The following HEG1 variants were observed in gnomAD, a reference collection of about 807,000 sequenced individuals.
HEG1 encodes protein HEG homolog 1.
HEG1 carries 56 observed loss-of-function variants against 125.6 expected under a neutral mutation model. The observed-to-expected ratio is 0.45, with a 90% CI of 0.36 to 0.56. The LOEUF (loss-of-function observed/expected upper bound fraction) is 0.56. Ranked by LOEUF, HEG1 falls within the 20% of genes least tolerant of loss-of-function variation. The pLI is 0.00. For missense variants in HEG1, 1,523 were observed against 1,670.0 expected, an observed-to-expected ratio of 0.91 and a Z score of 1.53; for synonymous variants, 644 against 668.5, an observed-to-expected ratio of 0.96 and a Z score of 0.57.
rs147058155 is a variant in HEG1, at chr3:125,009,742, C to A, written c.3156G>T (p.Pro1052=). 1 of 1,613,456 alleles carries A rather than the reference C, an allele frequency of 6.2e-7. No individual in the cohort carries two copies. Among genetic ancestry groups the A allele is most frequent in the Non-Finnish European group, 8.5e-7 (1 of 1,179,536 alleles). ...NTQGSFICKC[P]VGYQLEKGIC... Reference sequence around the variant, plus strand: ...TCCCTTTTTCCAACTGGTACCCAACCGGGCATTTGCAGATAAAGGATCCCT... The same window carrying A: ...TCCCTTTTTCCAACTGGTACCCAACAGGGCATTTGCAGATAAAGGATCCCT... The change falls in exon 8 of 17, where the codon CCG becomes CCT. Residue 1052 remains proline (P), a synonymous_variant. Coordinates refer to ENST00000311127, the MANE Select transcript of HEG1 (RefSeq NM_020733.2).
At chr3:125,002,792 G>A (rs191937312) in intron 9 of HEG1, among the ~76,000 whole-genome samples, 137 of 152,308 alleles carry the variant, frequency 9.0e-4, no homozygotes, top group African/African-American at 3.1e-3. Context: ...AAGGCTCTCC[G>A]TGAGAAATTA....
intron 11 of HEG1, among the ~76,000 whole-genome samples, chr3:125,000,565 C>G (rs577330640): frequency 6.6e-6 from 1 of 151,952 alleles, no homozygotes; most frequent in Non-Finnish European, 1.5e-5. Context: ...CTCACTCCCC[C>G]ATCAATAGTA....
chr3:124,973,784 G>T lies in HEG1; in HGVS notation c.3943C>A (p.His1315Asn). Reference protein sequence around the residue: ...QEWGREAIEMHENGSTKNLLQ... With the variant: ...QEWGREAIEMNENGSTKNLLQ... ...AGGTTTTTGGTACTTCCATTCTCAT[G>T]CATTTCAATAGCTTCTCGGCCCCAT... Residue 1315 changes from histidine to asparagine, a missense_variant, in exon 16 of 17, where the codon CAT (histidine) becomes AAT (asparagine). Physicochemically the swap from His to Asn is moderately conservative, Grantham distance 68. Transcript: ENST00000311127. 1.2e-6 allele frequency: 2 copies of T among 1,613,912 alleles called. No individual in the cohort carries two copies. Among genetic ancestry groups the T allele is most frequent in the Non-Finnish European group, 8.5e-7 (1 of 1,179,800 alleles).
chr3:125,030,556 A>G (rs1937484352), intron 1 of HEG1, among the ~76,000 whole-genome samples: 1 of 152,258 alleles, frequency 6.6e-6, no homozygotes, highest in African/African-American at 2.4e-5. Flanking sequence ...GATATTCTTC[A>G]GGGATTGTTG....
At position 124,978,435 on chromosome 3, in the gene HEG1, C is replaced by T. The variant is rs537713843; in HGVS notation, c.3734-489G>A. On this transcript the variant is annotated intron_variant, in intron 14 of 16. Coordinates refer to ENST00000311127, the MANE Select transcript of HEG1 (RefSeq NM_020733.2). Reference sequence around the variant, plus strand: ...GTTCTGGGATTACAGGCGTGAGCCACCGCGCCCGGCCGAAAAGCTCCCTTT... The same window carrying T: ...GTTCTGGGATTACAGGCGTGAGCCATCGCGCCCGGCCGAAAAGCTCCCTTT... 8.6e-4 allele frequency among the ~76,000 whole-genome samples: 131 copies of T among 152,328 alleles called. 1 individual carries two copies. Among genetic ancestry groups the T allele is most frequent in the South Asian group, 6.2e-3 (30 of 4,830 alleles).
intron 12 of HEG1, among the ~76,000 whole-genome samples, chr3:124,992,495 T>A (rs1936850826): frequency 6.6e-6 from 1 of 151,906 alleles, no homozygotes; most frequent in Non-Finnish European, 1.5e-5. Flanking sequence ...AGATCCCGAA[T>A]AAGAAAAGGT....
At chr3:124,979,104 C>T (rs1429166281) in intron 14 of HEG1, among the ~76,000 whole-genome samples, 1 of 152,014 alleles carries the variant, frequency 6.6e-6, no homozygotes, top group Non-Finnish European at 1.5e-5. Flanking sequence ...CACGTGCCAC[C>T]ATGCCCTGCT....
chr3:125,022,858 C>T (rs955682420), intron 3 of HEG1, among the ~76,000 whole-genome samples: 1 of 152,110 alleles, frequency 6.6e-6, no homozygotes. Flanking sequence ...CTTTTATTCC[C>T]AGGATACTGC....
intron 12 of HEG1, among the ~76,000 whole-genome samples, chr3:124,992,744 A>G (rs1936854186): frequency 6.6e-6 from 1 of 152,250 alleles, no homozygotes. Flanking sequence ...CTTTATTGTT[A>G]CAGACTTTCT....
intron 1 of HEG1, among the ~76,000 whole-genome samples, chr3:125,035,848 A>G (rs1463641358): frequency 2.0e-5 from 3 of 152,206 alleles, no homozygotes; most frequent in African/African-American, 4.8e-5. Flanking sequence ...TAAGTCTGGC[A>G]TGGGATAATT....
intron 11 of HEG1, among the ~76,000 whole-genome samples, chr3:124,998,824 C>T (rs1004804247): frequency 3.3e-5 from 5 of 152,100 alleles, no homozygotes; most frequent in African/African-American, 1.2e-4. Flanking sequence ...ACCTTATTTA[C>T]ACCCATGTGC....
chr3:125,031,453 G>A lies in HEG1; in HGVS notation c.317-1965C>T, dbSNP rs186770103. On this transcript the variant is annotated intron_variant, in intron 1 of 16. Transcript: ENST00000311127. Reference sequence around the variant, plus strand: ...CACATGAAGTTGTCACTGATTACGTGACTCCCTGATAAAACCATTTAATTT... The same window carrying A: ...CACATGAAGTTGTCACTGATTACGTAACTCCCTGATAAAACCATTTAATTT... Among the ~76,000 whole-genome samples the A allele has an allele frequency of 2.0e-4, 30 of 152,266 alleles. No homozygotes were observed. The South Asian group carries it at 6.0e-3, about 31-fold the overall frequency.
chr3:125,018,845 G>C (rs1042110243), intron 5 of HEG1, among the ~76,000 whole-genome samples: 6 of 145,276 alleles, frequency 4.1e-5, no homozygotes, highest in Non-Finnish European at 7.5e-5. Context: ...GGCCTGAGGA[G>C]TTATTTCATT....
chr3:125,013,516 A>T lies in HEG1; in HGVS notation c.2063T>A (p.Phe688Tyr), dbSNP rs1560025380. The change falls in exon 6 of 17, where the codon TTT becomes TAT. Residue 688 changes from phenylalanine (F) to tyrosine (Y), a missense_variant. Transcript: ENST00000311127. ...LPSVSQSHHL[F>Y]SSILPSTRAS... ...CCTGGTTGATGGTAAAATTGATGAAAATAAATGGTGGGATTGTGACACAGA... is the reference window on the plus strand; with the variant it reads ...CCTGGTTGATGGTAAAATTGATGAATATAAATGGTGGGATTGTGACACAGA... The T allele has an allele frequency of 6.2e-7, 1 of 1,612,100 alleles. No homozygotes were observed. The highest frequency in any genetic ancestry group is 2.2e-5 in the East Asian group (1 of 44,848).
Position 125,005,351 on chromosome 3 carries a change from C to T in HEG1, c.3211G>A (p.Glu1071Lys). The T allele has an allele frequency of 1.3e-6, 2 of 1,576,122 alleles. No individual in the cohort carries two copies. Among genetic ancestry groups the T allele is most frequent in the Admixed American group, 1.8e-5 (1 of 54,998 alleles). ...ICNLVRTFVTEFKLKRTFLNT... is the reference protein window; with the variant it reads ...ICNLVRTFVTKFKLKRTFLNT... ...AGAAAAGTTCTCTTTAATTTAAACT[C>T]TGTCACGAAGGTTCTAACTGAAAAT... Residue 1071 changes from glutamate to lysine, a missense_variant, in exon 9 of 17, where the codon GAG (glutamate) becomes AAG (lysine). Physicochemically the swap from Glu to Lys is moderately conservative, Grantham distance 56. Transcript: ENST00000311127.
rs1473064030 is a variant in HEG1 at position 125,010,565 on chromosome 3, C to T, written c.2957-10G>A. 7 of 1,518,890 alleles carry T rather than the reference C, an allele frequency of 4.6e-6. No individual in the cohort carries two copies. Among genetic ancestry groups the T allele is most frequent in the Non-Finnish European group, 6.3e-6 (7 of 1,119,202 alleles). 94.1% of individuals were successfully genotyped at this position (1,518,890 alleles called of 1,614,324 possible). A position where few individuals can be genotyped will look rare whatever the true frequency, so the allele number is the denominator to read the frequency against. On this transcript the variant is annotated splice_polypyrimidine_tract_variant and intron_variant, in intron 6 of 16. Coordinates refer to ENST00000311127, the MANE Select transcript of HEG1 (RefSeq NM_020733.2). ...ACAGCACAGCTGTTGACTACAAACA[C>T]ATTCCAGGAGTAAAGCAGTTAACCA...
chr3:125,019,435 C>T lies in HEG1; in HGVS notation c.1415G>A (p.Ser472Asn). 6.2e-7 allele frequency: 1 copy of T among 1,614,022 alleles called. No individual in the cohort carries two copies. The highest frequency in any genetic ancestry group is 8.5e-7 in the Non-Finnish European group (1 of 1,179,904). ...CACACCTTCAGGATATGAAGCAGAG[C>T]TTCCTGTCACATCTGCAGATGTTGT... is the stretch of plus-strand genomic sequence containing the variant. ...NSTTSADVTG[S>N]SASYPEGVNA... The change falls in exon 5 of 17, where the codon AGC becomes AAC. Residue 472 changes from serine (S) to asparagine (N), a missense_variant. Physicochemically the swap from Ser to Asn is conservative, Grantham distance 46. Transcript: ENST00000311127.
chr3:125,001,191 T>G (rs1287582822), intron 11 of HEG1, among the ~76,000 whole-genome samples: 1 of 151,764 alleles, frequency 6.6e-6, no homozygotes, highest in East Asian at 1.9e-4. Context: ...GCATTTATAA[T>G]GTGCAAACAA....
intron 14 of HEG1, among the ~76,000 whole-genome samples, chr3:124,985,985 C>A (rs555265700): frequency 1.1e-4 from 16 of 152,280 alleles, no homozygotes; most frequent in Non-Finnish European, 2.4e-4. Context: ...ACCAGGTTGG[C>A]CAGTCTGGTC....
Sources: gnomAD v4.1 joint callset for allele counts (sites outside exome capture counted in the v4.1 genomes callset) on GRCh38, gnomAD v4.1.1 for gene constraint, MANE v1.5 for transcripts, NCBI Gene and HGNC (gene_info 2026-07-23, HGNC 2026-07-21) for gene names.